RASGEF1B: variants seen among roughly 807,000 people sequenced by gnomAD.
RASGEF1B encodes the protein ras-GEF domain-containing family member 1B.
Under a neutral mutation model 65.7 loss-of-function variants are expected in RASGEF1B, and 30 were observed. That is an observed-to-expected ratio of 0.46 (90% CI 0.34 to 0.62). The LOEUF (loss-of-function observed/expected upper bound fraction) is 0.62, where lower values mean the gene tolerates loss of function less well. Ranked by LOEUF, RASGEF1B falls within the 20% of genes least tolerant of loss-of-function variation. The pLI is 0.01. For missense variants in RASGEF1B, 495 were observed against 580.1 expected, an observed-to-expected ratio of 0.85 and a Z score of 1.51; for synonymous variants, 175 against 194.8, an observed-to-expected ratio of 0.90 and a Z score of 0.85.
intron 10 of RASGEF1B, among the ~76,000 whole-genome samples, chr4:81,440,546 C>T (rs1018943626): frequency 6.6e-6 from 1 of 152,168 alleles, no homozygotes; most frequent in Admixed American, 6.5e-5. Flanking sequence ...CTCTCTAATG[C>T]TATGAGTCAT....
chr4:81,432,147 A>T, intron 13 of RASGEF1B, 152 bp downstream of exon 13: 1 of 486,010 alleles, frequency 2.1e-6, no homozygotes, highest in Non-Finnish European at 3.7e-6. Flanking sequence ...TGGTAGTGAG[A>T]ATTCTGAGCC....
chr4:81,471,708 A>C (rs1253557822), intron 1 of RASGEF1B, 62 bp downstream of exon 1: 2 of 152,616 alleles, frequency 1.3e-5, no homozygotes, highest in South Asian at 2.1e-4. Flanking sequence ...TAGGGTCCGG[A>C]GTTCCCGCTC....
intron 8 of RASGEF1B, among the ~76,000 whole-genome samples, chr4:81,444,570 C>T (rs960623769): frequency 6.6e-6 from 1 of 152,144 alleles, no homozygotes; most frequent in African/African-American, 2.4e-5. Context: ...CGGAGTCTCC[C>T]TCTGTCGCCA....
chr4:81,442,550 C>G (rs542591156), intron 8 of RASGEF1B, among the ~76,000 whole-genome samples, 174 bp from the exon 9 acceptor site: 6 of 152,316 alleles, frequency 3.9e-5, no homozygotes, highest in African/African-American at 1.4e-4. Flanking sequence ...AGTTGAGAAA[C>G]AGCATAAATG....
At position 81,457,539 on chromosome 4, in the gene RASGEF1B, C is replaced by A. The variant is rs756395539; in HGVS notation, c.260G>T (p.Cys87Phe). Residue 87 changes from cysteine (C) to phenylalanine (F), a missense_variant, in exon 3 of 14, where the codon TGT becomes TTT. Cys to Phe is a radical substitution (Grantham distance 205). Transcript: ENST00000264400. ...YELMAKVCHL[C>F]VEHQRLSDPD... ...ATCACTTAGTCTCTGGTGCTCAACACATAAGTGGCAAACTTTGGCCATTAG... is the reference window on the plus strand; with the variant it reads ...ATCACTTAGTCTCTGGTGCTCAACAAATAAGTGGCAAACTTTGGCCATTAG... The A allele has an allele frequency of 6.2e-7, 1 of 1,614,102 alleles. No homozygotes were observed. The highest frequency in any genetic ancestry group is 8.5e-7 in the Non-Finnish European group (1 of 1,180,018).
At chr4:81,444,269 T>G (rs1256630465) in intron 8 of RASGEF1B, among the ~76,000 whole-genome samples, 2 of 152,216 alleles carry the variant, frequency 1.3e-5, no homozygotes, top group African/African-American at 4.8e-5. Flanking sequence ...AGAGGCAAAT[T>G]AAGTAATCTA....
chr4:81,454,403 G>GTTAA (rs1274741442), intron 4 of RASGEF1B: 1 of 152,166 alleles, frequency 6.6e-6, no homozygotes, highest in African/African-American at 2.4e-5. Context: ...GACATATAAT[G>GTTAA]TTAAGTAGCT....
intron 4 of RASGEF1B, among the ~76,000 whole-genome samples, chr4:81,450,010 T>C (rs1444565676): frequency 6.6e-6 from 1 of 152,174 alleles, no homozygotes; most frequent in Non-Finnish European, 1.5e-5. Context: ...TAATGAAACA[T>C]CTATGTATTT....
In RASGEF1B at chr4:81,440,817, C is replaced by T; in HGVS notation, c.1104+17G>A. ...CAGCAACTCTACCATAAGAAAGATA[C>T]TTCTTTAAGTGCATACCTTTTCTCT... On this transcript the variant is annotated intron_variant, in intron 10 of 13. Transcript: ENST00000264400. The T allele has an allele frequency of 6.6e-7, 1 of 1,521,684 alleles. No individual in the cohort carries two copies. The allele number at this position is 1,521,684 out of a possible 1,614,324, so 94.3% of individuals were successfully genotyped here. A position where few individuals can be genotyped will look rare whatever the true frequency, so the allele number is the denominator to read the frequency against.
intron 10 of RASGEF1B, among the ~76,000 whole-genome samples, chr4:81,435,209 A>G (rs1283924175): frequency 6.6e-6 from 1 of 151,914 alleles, no homozygotes; most frequent in Admixed American, 6.5e-5. Context: ...CAGGAGATCA[A>G]GACCATCCTG....
intron 13 of RASGEF1B, among the ~76,000 whole-genome samples, chr4:81,429,188 G>A (rs1480177128): frequency 2.0e-5 from 3 of 152,178 alleles, no homozygotes; most frequent in Admixed American, 6.5e-5. Flanking sequence ...GAGTGTATGA[G>A]TTCTGGAGAA....
chr4:81,470,841 C>T (rs1722996353), intron 1 of RASGEF1B, among the ~76,000 whole-genome samples: 1 of 152,064 alleles, frequency 6.6e-6, no homozygotes, highest in Non-Finnish European at 1.5e-5. Context: ...TGAACTGCGC[C>T]GATTTGGTTG....
intron 1 of RASGEF1B, among the ~76,000 whole-genome samples, chr4:81,468,637 CAA>C: frequency 6.6e-6 from 1 of 152,114 alleles, no homozygotes; most frequent in Non-Finnish European, 1.5e-5. Context: ...TAAAGAAAAA[CAA>C]AGCAAAAAGC....
intron 1 of RASGEF1B, among the ~76,000 whole-genome samples, chr4:81,460,622 G>T (rs1402714641): frequency 1.3e-5 from 2 of 152,210 alleles, no homozygotes. Context: ...TTGAGCATCT[G>T]TTCCAGCTAC....
Position 81,459,459 on chromosome 4 carries a change from T to C in RASGEF1B, c.50A>G (p.Asn17Ser), listed in dbSNP as rs1471228307. The change falls in exon 2 of 14, where the codon AAT (asparagine) becomes AGT (serine). Residue 17 changes from asparagine (N) to serine (S), a missense_variant. Coordinates refer to ENST00000264400, the MANE Select transcript of RASGEF1B (RefSeq NM_152545.3). ...CTCTGCAGACTGATAGAGGTTTCGA[T>C]TGTAACCACTGCTGTCAAACATTGC... ...FSAMFDSSGY[N>S]RNLYQSAEDS... 1.2e-6 allele frequency: 2 copies of C among 1,611,488 alleles called. No individual in the cohort carries two copies. The highest frequency in any genetic ancestry group is 4.5e-5 in the East Asian group (2 of 44,860).
intron 1 of RASGEF1B, among the ~76,000 whole-genome samples, chr4:81,468,417 T>C (rs565685034): frequency 6.6e-6 from 1 of 152,204 alleles, no homozygotes; most frequent in African/African-American, 2.4e-5. Context: ...GTTAAACTAA[T>C]TTTCTAAGCA....
chr4:81,441,740 G>C (rs959182606), intron 9 of RASGEF1B, among the ~76,000 whole-genome samples: 1 of 151,620 alleles, frequency 6.6e-6, no homozygotes. Flanking sequence ...GTGGGGTTTC[G>C]CCATGTTGCC....
At chr4:81,447,470 G>A (rs1474002282) in intron 6 of RASGEF1B, 34 bp downstream of exon 6, 12 of 1,496,574 alleles carry the variant, frequency 8.0e-6, no homozygotes, top group Non-Finnish European at 1.0e-5. Flanking sequence ...TCCCATTTTT[G>A]GTTTCAGTGC....
chr4:81,433,390 A>G (rs1161797324), intron 12 of RASGEF1B, among the ~76,000 whole-genome samples: 1 of 152,020 alleles, frequency 6.6e-6, no homozygotes, highest in East Asian at 1.9e-4. Context: ...TCTGTATCTA[A>G]TCTCTTTTTC....
Sources: gnomAD v4.1 joint callset for allele counts (sites outside exome capture counted in the v4.1 genomes callset) on GRCh38, gnomAD v4.1.1 for gene constraint, MANE v1.5 for transcripts, NCBI Gene and HGNC (gene_info 2026-07-23, HGNC 2026-07-21) for gene names.